The following ADAMTS17 variants were observed in gnomAD, a reference collection of about 807,000 sequenced individuals.
ADAMTS17 encodes the protein A disintegrin and metalloproteinase with thrombospondin motifs 17.
In ADAMTS17, 113 loss-of-function variants were observed where a neutral mutation model predicts 141.5. The ratio of observed to expected loss-of-function variants is 0.80; its 90% CI spans 0.69 to 0.93. The LOEUF (loss-of-function observed/expected upper bound fraction) is 0.93, where lower values mean the gene tolerates loss of function less well. Among genes scored for constraint, ADAMTS17 ranks in the 40% least tolerant of loss-of-function variants. The probability of loss-of-function intolerance (pLI) is 0.00; values close to 1 mark genes in which losing one functional copy is unlikely to be tolerated. For synonymous variants in ADAMTS17, 768 were observed against 630.6 expected, an observed-to-expected ratio of 1.22 and a Z score of -3.27; for missense variants, 1,659 against 1,517.9, an observed-to-expected ratio of 1.09 and a Z score of -1.54.
At chr15:100,093,808 G>A (rs895078683) in intron 15 of ADAMTS17, among the ~76,000 whole-genome samples, 6 of 152,074 alleles carry the variant, frequency 3.9e-5, no homozygotes, top group African/African-American at 1.4e-4. Flanking sequence ...ACTGTACCTG[G>A]GGTGGGGACA....
rs149893548 is a variant in ADAMTS17, at chr15:100,316,508, C to T, written c.616+14381G>A. Among the ~76,000 whole-genome samples the T allele has an allele frequency of 3.4e-3, 522 of 152,306 alleles. 1 individual carries two copies. The highest frequency in any genetic ancestry group is 0.012 in the African/African-American group (491 of 41,572). ...ACAATCTTGACACACACTCACTCCCCTTCCGGTGGATTTTCCACTGGATGC... is the reference window on the plus strand; with the variant it reads ...ACAATCTTGACACACACTCACTCCCTTTCCGGTGGATTTTCCACTGGATGC... On this transcript the variant is annotated intron_variant, in intron 3 of 21. Transcript: ENST00000268070.
intron 14 of ADAMTS17, among the ~76,000 whole-genome samples, chr15:100,103,729 C>T (rs1222985922): frequency 2.0e-5 from 3 of 152,174 alleles, no homozygotes; most frequent in East Asian, 3.9e-4. Context: ...GCATGCACTA[C>T]CATGCCCGGC....
intron 16 of ADAMTS17, 85 bp from the exon 17 acceptor site, chr15:100,051,816 C>A (rs62041049): frequency 1.3e-6 from 2 of 1,552,546 alleles, no homozygotes; most frequent in Non-Finnish European, 1.8e-6. Context: ...AGGCACACTG[C>A]GGCTGTTTCT....
intron 10 of ADAMTS17, among the ~76,000 whole-genome samples, chr15:100,148,241 TA>T (rs933231538): frequency 3.9e-5 from 6 of 152,244 alleles, no homozygotes; most frequent in African/African-American, 1.4e-4. Context: ...CTGTTTTTCA[TA>T]AAACACAGTT....
intron 18 of ADAMTS17, among the ~76,000 whole-genome samples, chr15:100,009,669 C>T (rs2061118866): frequency 6.6e-6 from 1 of 152,236 alleles, no homozygotes; most frequent in African/African-American, 2.4e-5. Flanking sequence ...GCCCGTTACT[C>T]TCCATCCAGA....
chr15:99,983,235 A>G (rs1172689877), intron 20 of ADAMTS17, among the ~76,000 whole-genome samples: 1 of 152,166 alleles, frequency 6.6e-6, no homozygotes, highest in Admixed American at 6.5e-5. Flanking sequence ...GAGCTTGTTA[A>G]TCCTCACACT....
chr15:100,187,796 A>T (rs2040773793), intron 8 of ADAMTS17, among the ~76,000 whole-genome samples: 1 of 152,200 alleles, frequency 6.6e-6, no homozygotes, highest in Non-Finnish European at 1.5e-5. Context: ...GGAAAAGCAC[A>T]GTCGCTCACA....
chr15:100,306,367 C>T, intron 3 of ADAMTS17: 1 of 409,510 alleles, frequency 2.4e-6, no homozygotes, highest in South Asian at 1.8e-5. Flanking sequence ...TGCGGGAACT[C>T]TTGCATTGGG....
chr15:100,037,140 T>A (rs111767380), intron 18 of ADAMTS17, among the ~76,000 whole-genome samples: 7,003 of 152,240 alleles, frequency 0.046, 331 homozygotes, highest in African/African-American at 0.12. Context: ...AGATTTTTTT[T>A]AAAAAGCGGT....
At chr15:100,215,772 TC>T (rs2041951473) in intron 7 of ADAMTS17, among the ~76,000 whole-genome samples, 1 of 151,872 alleles carries the variant, frequency 6.6e-6, no homozygotes, top group South Asian at 2.1e-4. Flanking sequence ...ATTTCCCTTC[TC>T]CCGCTCGAAG....
At chr15:100,208,372 T>G (rs1372916334) in intron 7 of ADAMTS17, among the ~76,000 whole-genome samples, 1 of 152,166 alleles carries the variant, frequency 6.6e-6, no homozygotes, top group Admixed American at 6.5e-5. Flanking sequence ...TGCTCATCAC[T>G]ACAAAAGCCA....
At chr15:100,053,720 G>A (rs553034555) in intron 16 of ADAMTS17, among the ~76,000 whole-genome samples, 177 bp downstream of exon 16, 7 of 152,138 alleles carry the variant, frequency 4.6e-5, no homozygotes, top group Non-Finnish European at 8.8e-5. Context: ...GCAAGGGACT[G>A]GAAAAGAAAG....
At chr15:100,043,346 G>T (rs1313108397) in intron 18 of ADAMTS17, among the ~76,000 whole-genome samples, 1 of 152,190 alleles carries the variant, frequency 6.6e-6, no homozygotes, top group Non-Finnish European at 1.5e-5. Flanking sequence ...CAGGAAGGGA[G>T]TGTAAGGAAG....
chr15:100,334,574 C>T lies in ADAMTS17; in HGVS notation c.451-3520G>A, dbSNP rs146089743. Among the ~76,000 whole-genome samples the T allele has an allele frequency of 2.4e-3, 369 of 152,124 alleles. 1 individual carries two copies. The highest frequency in any genetic ancestry group is 8.2e-3 in the African/African-American group (342 of 41,494). On this transcript the variant is annotated intron_variant, in intron 2 of 21. Transcript: ENST00000268070. Reference sequence around the variant, plus strand: ...CTCTCCGGCGGGCACACACCTCTTTCGATCCTCCCGTCCTGCCCCCCGACT... The same window carrying T: ...CTCTCCGGCGGGCACACACCTCTTTTGATCCTCCCGTCCTGCCCCCCGACT...
At chr15:100,113,657 T>G (rs1297689894) in intron 13 of ADAMTS17, among the ~76,000 whole-genome samples, 1 of 152,234 alleles carries the variant, frequency 6.6e-6, no homozygotes, top group East Asian at 1.9e-4. Flanking sequence ...CACGGGGTTG[T>G]GACTACCAAA....
intron 7 of ADAMTS17, among the ~76,000 whole-genome samples, chr15:100,209,417 C>T (rs949957826): frequency 5.3e-5 from 8 of 152,110 alleles, no homozygotes; most frequent in South Asian, 2.1e-4. Context: ...CAGGGCATCA[C>T]GGCCCCTCCA....
chr15:100,131,134 G>A lies in ADAMTS17; in HGVS notation c.1721+873C>T, dbSNP rs549776775. Among the ~76,000 whole-genome samples, 29 of 152,022 alleles carry A rather than the reference G, an allele frequency of 1.9e-4. No homozygotes were observed. In the South Asian group the frequency reaches 5.8e-3, roughly 31 times the overall value. On this transcript the variant is annotated intron_variant, in intron 12 of 21. Transcript: ENST00000268070. ...ACACAGGAACAGAAAACCAAACACT[G>A]TATGTTCTCACTCAGAAATGGGAGC...
intron 15 of ADAMTS17, among the ~76,000 whole-genome samples, chr15:100,058,202 C>CT (rs2032775203): frequency 5.7e-5 from 1 of 17,624 alleles, no homozygotes; most frequent in African/African-American, 1.7e-4. Flanking sequence ...ATCCCAGCTC[C>CT]AACACCCCTA....
intron 3 of ADAMTS17, among the ~76,000 whole-genome samples, chr15:100,291,368 G>C (rs770915683): frequency 6.6e-6 from 1 of 152,218 alleles, no homozygotes. Context: ...CGAGGTTGTA[G>C]AGAAAAGGAA....
Sources: gnomAD v4.1 joint callset for allele counts (sites outside exome capture counted in the v4.1 genomes callset) on GRCh38, gnomAD v4.1.1 for gene constraint, MANE v1.5 for transcripts, NCBI Gene and HGNC (gene_info 2026-07-23, HGNC 2026-07-21) for gene names.